Variants in FMNL2 observed in about 807,000 individuals in gnomAD.
FMNL2 encodes formin-like protein 2.
Under a neutral mutation model 130.2 loss-of-function variants are expected in FMNL2, and 51 were observed. The observed-to-expected ratio is 0.39, with a 90% CI of 0.31 to 0.49. FMNL2 has a LOEUF of 0.49. Among genes scored for constraint, FMNL2 ranks in the 20% least tolerant of loss-of-function variants. The probability of loss-of-function intolerance (pLI) is 0.85; values close to 1 mark genes in which losing one functional copy is unlikely to be tolerated. For synonymous variants in FMNL2, 465 were observed against 467.1 expected (o/e 1.00, Z 0.06); for missense variants, 977 against 1,316.2 (o/e 0.74, Z 3.99).
At chr2:152,540,049 C>T (rs1694219268) in intron 2 of FMNL2, among the ~76,000 whole-genome samples, 1 of 152,062 alleles carries the variant, frequency 6.6e-6, no homozygotes, top group African/African-American at 2.4e-5. Flanking sequence ...GTGATTGTGC[C>T]ACTGCATTCC....
At chr2:152,532,456 T>C (rs1237175727) in intron 2 of FMNL2, among the ~76,000 whole-genome samples, 3 of 152,194 alleles carry the variant, frequency 2.0e-5, no homozygotes, top group African/African-American at 7.2e-5. Flanking sequence ...GCCATTTTTA[T>C]GGGCATATGG....
intron 1 of FMNL2, among the ~76,000 whole-genome samples, chr2:152,519,456 C>A (rs1394548081): frequency 6.6e-6 from 1 of 152,180 alleles, no homozygotes; most frequent in East Asian, 1.9e-4. Flanking sequence ...TTTCTCTTTG[C>A]AGAAAACGAC....
intron 1 of FMNL2, among the ~76,000 whole-genome samples, chr2:152,446,082 G>A (rs1688318373): frequency 6.6e-6 from 1 of 152,170 alleles, no homozygotes; most frequent in Non-Finnish European, 1.5e-5. Context: ...CAAGAAATTA[G>A]ACCATGTGTG....
intron 2 of FMNL2, among the ~76,000 whole-genome samples, chr2:152,540,706 G>C (rs1237680865): frequency 1.7e-5 from 2 of 118,582 alleles, no homozygotes; most frequent in African/African-American, 6.3e-5. Flanking sequence ...TGGGGGGAGG[G>C]GGGAGGGATA....
chr2:152,494,496 G>A (rs986936076), intron 1 of FMNL2, among the ~76,000 whole-genome samples: 3 of 152,174 alleles, frequency 2.0e-5, no homozygotes, highest in Non-Finnish European at 4.4e-5. Context: ...TGTTTTTCCT[G>A]TCTTGATTGT....
At chr2:152,455,754 AC>A (rs1688913882) in intron 1 of FMNL2, among the ~76,000 whole-genome samples, 1 of 152,092 alleles carries the variant, frequency 6.6e-6, no homozygotes, top group Non-Finnish European at 1.5e-5. Flanking sequence ...TTGTTCTGTC[AC>A]CCCGCCTAGA....
rs564377658 is a variant in FMNL2, at chr2:152,586,657, C to T, written c.876+5608C>T. ...AGTCTCAAACTGTAGGAGCCACAGC[C>T]GTAGAGCATGTATGTATTTCATGGT... On this transcript the variant is annotated intron_variant, in intron 9 of 25. Coordinates refer to ENST00000288670, the MANE Select transcript of FMNL2 (RefSeq NM_052905.4). Among the ~76,000 whole-genome samples the T allele has an allele frequency of 5.3e-5, 8 of 152,218 alleles. No individual in the cohort carries two copies. In the South Asian group the frequency reaches 1.7e-3, roughly 32 times the overall value.
At chr2:152,532,032 G>C (rs1018914025) in intron 2 of FMNL2, among the ~76,000 whole-genome samples, 1 of 152,276 alleles carries the variant, frequency 6.6e-6, no homozygotes, top group Non-Finnish European at 1.5e-5. Flanking sequence ...CTAAAAAATT[G>C]TGGTGCAATT....
intron 1 of FMNL2, among the ~76,000 whole-genome samples, chr2:152,393,949 T>G (rs1283634432): frequency 6.6e-6 from 1 of 152,246 alleles, no homozygotes; most frequent in Non-Finnish European, 1.5e-5. Context: ...CTTTATTTTT[T>G]TAGCCATTTA....
At chr2:152,635,427 T>C (rs946970233) in intron 21 of FMNL2, among the ~76,000 whole-genome samples, 3 of 152,170 alleles carry the variant, frequency 2.0e-5, no homozygotes, top group African/African-American at 7.2e-5. Context: ...AATAAGAAAA[T>C]TGCTTGAATT....
intron 23 of FMNL2, 119 bp from the exon 24 acceptor site, chr2:152,639,839 C>A: frequency 1.5e-6 from 1 of 667,402 alleles, no homozygotes; most frequent in Non-Finnish European, 2.2e-6. Context: ...TAGATCTTCT[C>A]AACCTTCCAT....
chr2:152,429,215 CAAAAA>C (rs3047928), intron 1 of FMNL2, among the ~76,000 whole-genome samples: 2 of 95,776 alleles, frequency 2.1e-5, no homozygotes, highest in Non-Finnish European at 2.6e-5. Flanking sequence ...CTTAGAGGAA[CAAAAA>C]AAAAAAAAAA....
At chr2:152,606,920 G>T (rs1342953496) in intron 9 of FMNL2, among the ~76,000 whole-genome samples, 5 of 149,688 alleles carry the variant, frequency 3.3e-5, no homozygotes, top group Non-Finnish European at 5.9e-5. Context: ...TTTTAAATGT[G>T]CCTTTTAAAG....
intron 1 of FMNL2, among the ~76,000 whole-genome samples, chr2:152,462,394 T>C (rs903910181): frequency 2.6e-5 from 4 of 152,048 alleles, no homozygotes; most frequent in Admixed American, 6.5e-5. Context: ...ACTGGAATTA[T>C]AGGGGGATTT....
At chr2:152,537,193 G>C (rs938910000) in intron 2 of FMNL2, among the ~76,000 whole-genome samples, 1 of 152,192 alleles carries the variant, frequency 6.6e-6, no homozygotes, top group African/African-American at 2.4e-5. Flanking sequence ...TCTGTTTGCT[G>C]TGACTTACCT....
chr2:152,418,278 T>A (rs1207710744), intron 1 of FMNL2, among the ~76,000 whole-genome samples: 3 of 150,190 alleles, frequency 2.0e-5, no homozygotes, highest in Non-Finnish European at 2.9e-5. Flanking sequence ...TTTTAATTTT[T>A]ATTTTTTGCT....
intron 7 of FMNL2, among the ~76,000 whole-genome samples, chr2:152,577,170 G>A (rs1246063909): frequency 6.6e-6 from 1 of 152,036 alleles, no homozygotes; most frequent in Non-Finnish European, 1.5e-5. Context: ...ATGATGAGAG[G>A]TGGTCAGATT....
At chr2:152,345,360 T>C (rs947761466) in intron 1 of FMNL2, among the ~76,000 whole-genome samples, 3 of 152,166 alleles carry the variant, frequency 2.0e-5, no homozygotes, top group African/African-American at 7.2e-5. Flanking sequence ...AGGAATAACA[T>C]TCTTTTTTTT....
intron 1 of FMNL2, among the ~76,000 whole-genome samples, chr2:152,510,741 G>A (rs1359932243): frequency 6.6e-6 from 1 of 152,186 alleles, no homozygotes; most frequent in East Asian, 1.9e-4. Context: ...AGAAAACTAA[G>A]AGCAGAAAAA....
Sources: gnomAD v4.1 joint callset for allele counts (sites outside exome capture counted in the v4.1 genomes callset) on GRCh38, gnomAD v4.1.1 for gene constraint, MANE v1.5 for transcripts, NCBI Gene and HGNC (gene_info 2026-07-23, HGNC 2026-07-21) for gene names.